Variants in FBXL7 observed in about 807,000 individuals in gnomAD.
FBXL7 encodes the protein F-box/LRR-repeat protein 7.
FBXL7 carries 12 observed loss-of-function variants against 38.3 expected under a neutral mutation model. The ratio of observed to expected loss-of-function variants is 0.31; its 90% CI spans 0.20 to 0.51. The LOEUF (loss-of-function observed/expected upper bound fraction) is 0.51, where lower values mean the gene tolerates loss of function less well. FBXL7 is among the 20% of genes least tolerant of loss of function. FBXL7 has a pLI of 0.98. For missense variants in FBXL7, 567 were observed against 676.4 expected, an observed-to-expected ratio of 0.84 and a Z score of 1.79; for synonymous variants, 297 against 300.9, an observed-to-expected ratio of 0.99 and a Z score of 0.13.
intron 2 of FBXL7, among the ~76,000 whole-genome samples, chr5:15,860,876 G>A (rs1228571917): frequency 6.6e-6 from 1 of 152,136 alleles, no homozygotes; most frequent in Non-Finnish European, 1.5e-5. Flanking sequence ...AGAAGCTAAG[G>A]TCCAAAGAGG....
At chr5:15,538,989 C>T (rs112346316) in intron 1 of FBXL7, among the ~76,000 whole-genome samples, 1 of 152,094 alleles carries the variant, frequency 6.6e-6, no homozygotes. Flanking sequence ...GAAAAAACTT[C>T]TAGAAGATAA....
intron 2 of FBXL7, among the ~76,000 whole-genome samples, chr5:15,760,170 G>T (rs1262087523): frequency 6.6e-6 from 1 of 152,038 alleles, no homozygotes; most frequent in Non-Finnish European, 1.5e-5. Context: ...CCCTATTGGG[G>T]TAAGAGTCAG....
intron 2 of FBXL7, among the ~76,000 whole-genome samples, chr5:15,888,208 ATTTATTTATT>A (rs1364962330): frequency 3.9e-5 from 2 of 50,746 alleles, no homozygotes; most frequent in African/African-American, 1.1e-4. Flanking sequence ...TTATTTATTT[ATTTATTTATT>A]TATTTATTTA....
chr5:15,504,806 T>C (rs1736599595), intron 1 of FBXL7, among the ~76,000 whole-genome samples: 1 of 152,190 alleles, frequency 6.6e-6, no homozygotes, highest in South Asian at 2.1e-4. Context: ...AAATCTCAGT[T>C]CAAGTGGGAA....
chr5:15,705,493 A>G (rs1743654340), intron 2 of FBXL7, among the ~76,000 whole-genome samples: 2 of 152,196 alleles, frequency 1.3e-5, no homozygotes, highest in African/African-American at 4.8e-5. Context: ...AAGAGCTTGA[A>G]TCTGGTTTGG....
At chr5:15,516,843 C>G (rs565255887) in intron 1 of FBXL7, among the ~76,000 whole-genome samples, 1 of 152,086 alleles carries the variant, frequency 6.6e-6, no homozygotes, top group African/African-American at 2.4e-5. Context: ...AGGAAGGACG[C>G]ATTTGCTTCC....
chr5:15,895,787 G>C (rs1741083107), intron 2 of FBXL7, among the ~76,000 whole-genome samples: 1 of 151,084 alleles, frequency 6.6e-6, no homozygotes, highest in Non-Finnish European at 1.5e-5. Flanking sequence ...GGGACTACAG[G>C]TGCCCGCCAC....
intron 2 of FBXL7, among the ~76,000 whole-genome samples, chr5:15,634,314 T>C (rs1047475238): frequency 3.9e-5 from 1 of 25,716 alleles, no homozygotes; most frequent in Non-Finnish European, 8.6e-5. Context: ...TGTTCGTTTC[T>C]TTTTTTTTTT....
chr5:15,594,417 T>A (rs1739562854), intron 1 of FBXL7, among the ~76,000 whole-genome samples: 1 of 152,212 alleles, frequency 6.6e-6, no homozygotes, highest in African/African-American at 2.4e-5. Context: ...GTGTTTCCAT[T>A]TCTTACGCGG....
Position 15,937,503 on chromosome 5 carries a change from C to G in FBXL7, c.*317C>G, listed in dbSNP as rs1742230644. The G allele has an allele frequency of 3.8e-6, 1 of 262,964 alleles. No homozygotes were observed. Among genetic ancestry groups the G allele is most frequent in the African/African-American group, 2.2e-5 (1 of 45,148 alleles). 16.3% of individuals were successfully genotyped at this position (262,964 alleles called of 1,614,324 possible). ...CTCTCCTCCGCTCAGGCCCCCAAGG[C>G]CGCCCTTTCCCTCGCACACAGGCCC... On this transcript the variant is annotated 3_prime_UTR_variant, in exon 4 of 4. Transcript: ENST00000504595.
At chr5:15,643,437 TG>T (rs1741432038) in intron 2 of FBXL7, among the ~76,000 whole-genome samples, 1 of 152,224 alleles carries the variant, frequency 6.6e-6, no homozygotes, top group African/African-American at 2.4e-5. Context: ...GTTTTCATGG[TG>T]AAGTCCAAGG....
intron 2 of FBXL7, among the ~76,000 whole-genome samples, chr5:15,919,078 TA>T (rs1475149242): frequency 6.6e-6 from 1 of 152,224 alleles, no homozygotes; most frequent in African/African-American, 2.4e-5. Flanking sequence ...AGCTTGAGTT[TA>T]AGCTAAGAAA....
intron 2 of FBXL7, among the ~76,000 whole-genome samples, chr5:15,822,514 C>A (rs1561140063): frequency 6.6e-6 from 1 of 152,140 alleles, no homozygotes; most frequent in Non-Finnish European, 1.5e-5. Context: ...GATATTTCTC[C>A]ATTCCACATT....
At chr5:15,537,773 G>A (rs1737628286) in intron 1 of FBXL7, among the ~76,000 whole-genome samples, 3 of 152,338 alleles carry the variant, frequency 2.0e-5, no homozygotes, top group East Asian at 1.9e-4. Flanking sequence ...AAGACCTAAT[G>A]TAAGTCTCCC....
intron 2 of FBXL7, among the ~76,000 whole-genome samples, chr5:15,894,216 G>A (rs1453934385): frequency 2.0e-5 from 3 of 152,166 alleles, no homozygotes; most frequent in African/African-American, 2.4e-5. Flanking sequence ...AGCCGAGATC[G>A]CACCATTGCG....
intron 2 of FBXL7, among the ~76,000 whole-genome samples, chr5:15,837,203 G>A (rs575589939): frequency 3.9e-5 from 6 of 152,218 alleles, no homozygotes; most frequent in Non-Finnish European, 8.8e-5. Flanking sequence ...GTAAATGATA[G>A]TCTCTCATGA....
chr5:15,621,819 A>G (rs2126528419), intron 2 of FBXL7, among the ~76,000 whole-genome samples: 3 of 152,356 alleles, frequency 2.0e-5, no homozygotes, highest in Middle Eastern at 6.8e-3. Context: ...GGTTCTACAC[A>G]TTGGTTATCA....
intron 2 of FBXL7, among the ~76,000 whole-genome samples, chr5:15,678,162 C>T (rs1362219283): frequency 6.6e-6 from 1 of 152,064 alleles, no homozygotes; most frequent in African/African-American, 2.4e-5. Flanking sequence ...CTGCCAAGTT[C>T]TAGTTAGTTT....
At chr5:15,654,240 G>A (rs918574665) in intron 2 of FBXL7, among the ~76,000 whole-genome samples, 8 of 152,134 alleles carry the variant, frequency 5.3e-5, no homozygotes, top group Admixed American at 3.9e-4. Flanking sequence ...AATCAGGACA[G>A]ATAAAGTTGG....
Sources: allele counts gnomAD v4.1 joint callset (sites outside exome capture counted in the v4.1 genomes callset), GRCh38; gene constraint gnomAD v4.1.1; transcripts MANE v1.5; gene names NCBI Gene and HGNC (gene_info 2026-07-23, HGNC 2026-07-21).